CPA6: variants seen among roughly 807,000 people sequenced by gnomAD.
CPA6 encodes carboxypeptidase B.
Under a neutral mutation model 63.3 loss-of-function variants are expected in CPA6, and 58 were observed. The observed-to-expected ratio is 0.92, with a 90% CI of 0.74 to 1.14. CPA6 has a LOEUF of 1.14. Among genes scored for constraint, CPA6 ranks in the 50% most tolerant of loss-of-function variants. The pLI is 0.00. For synonymous variants in CPA6, 185 were observed against 179.0 expected (o/e 1.03, Z -0.27); for missense variants, 565 against 526.6 (o/e 1.07, Z -0.71).
chr8:67,592,520 A>G (rs1814160003), intron 2 of CPA6, among the ~76,000 whole-genome samples: 1 of 150,076 alleles, frequency 6.7e-6, no homozygotes, highest in Non-Finnish European at 1.5e-5. Flanking sequence ...CTGGTCCTGG[A>G]CTCTTTTTGG....
intron 2 of CPA6, among the ~76,000 whole-genome samples, chr8:67,530,668 T>TG (rs1812459138): frequency 5.3e-5 from 8 of 152,232 alleles, no homozygotes; most frequent in Admixed American, 5.2e-4. Flanking sequence ...GCAGTCCTGG[T>TG]TAAAAGTTGT....
intron 1 of CPA6, among the ~76,000 whole-genome samples, chr8:67,693,376 C>T (rs1036586636): frequency 2.6e-5 from 4 of 152,170 alleles, no homozygotes; most frequent in Non-Finnish European, 4.4e-5. Context: ...GGAACATACT[C>T]GGGTTGACCA....
intron 8 of CPA6, among the ~76,000 whole-genome samples, chr8:67,477,282 T>A (rs1347248495): frequency 2.2e-5 from 2 of 91,712 alleles, no homozygotes; most frequent in South Asian, 4.1e-4. Context: ...AGAGGGAGAC[T>A]CCATCTCAAA....
chr8:67,681,856 T>C (rs1175293396), intron 1 of CPA6, among the ~76,000 whole-genome samples: 4 of 152,184 alleles, frequency 2.6e-5, no homozygotes, highest in Admixed American at 1.3e-4. Flanking sequence ...TTTGTTTTTT[T>C]TCAGAGTTGT....
At chr8:67,719,660 A>G (rs1817453845) in intron 1 of CPA6, among the ~76,000 whole-genome samples, 1 of 152,134 alleles carries the variant, frequency 6.6e-6, no homozygotes, top group Admixed American at 6.5e-5. Context: ...GAGGCAAGGT[A>G]GGGGCTGTTA....
intron 6 of CPA6, among the ~76,000 whole-genome samples, chr8:67,496,377 G>C (rs114158279): frequency 0.03 from 4,519 of 151,588 alleles, 228 homozygotes; most frequent in African/African-American, 0.1. Context: ...TCTTCTGAGG[G>C]AATGCTATTT....
intron 1 of CPA6, among the ~76,000 whole-genome samples, chr8:67,703,958 G>GT (rs1817079995): frequency 1.3e-5 from 2 of 150,926 alleles, no homozygotes; most frequent in Non-Finnish European, 2.9e-5. Flanking sequence ...TTTTTGTTTT[G>GT]TTTTGAGTTA....
rs1818008076 is a variant in CPA6 at position 67,746,196 on chromosome 8, A to T, written c.-67T>A. 8.8e-7 allele frequency: 1 copy of T among 1,131,618 alleles called. No homozygotes were observed. The highest frequency in any genetic ancestry group is 2.4e-5 in the East Asian group (1 of 40,974). The allele number at this position is 1,131,618 out of a possible 1,614,324, so 70.1% of individuals were successfully genotyped here. A position where few individuals can be genotyped will look rare whatever the true frequency, so the allele number is the denominator to read the frequency against. On this transcript the variant is annotated 5_prime_UTR_variant, in exon 1 of 11. Coordinates refer to ENST00000297770, the MANE Select transcript of CPA6 (RefSeq NM_020361.5). ...CCCGAGGCTGGAGGTGGCTCACAGC[A>T]CCCTCTACACACCGCACAGGTTCTC... is the stretch of plus-strand genomic sequence containing the variant.
chr8:67,715,459 T>C (rs886935215), intron 1 of CPA6, among the ~76,000 whole-genome samples: 2 of 152,206 alleles, frequency 1.3e-5, no homozygotes, highest in South Asian at 4.1e-4. Context: ...TTTTAACAGA[T>C]CTTCCACTTC....
At chr8:67,607,146 C>CCCT (rs139523103) in intron 2 of CPA6, among the ~76,000 whole-genome samples, 16,482 of 50,278 alleles carry the variant, frequency 0.33, 4,880 homozygotes, top group African/African-American at 0.6. Flanking sequence ...CCCCTCCTCC[C>CCCT]CCCCCTCCTC....
intron 8 of CPA6, among the ~76,000 whole-genome samples, chr8:67,475,796 TCTTTCTTTCTTTCTTTCTTTC>T (rs1563967374): frequency 1.1e-4 from 6 of 52,324 alleles, no homozygotes; most frequent in South Asian, 5.4e-4. Context: ...TTTCTTTCTT[TCTTTCTTTCTTTCTTTCTTTC>T]CTTTCTTTTC....
At chr8:67,736,721 T>A (rs1328340281) in intron 1 of CPA6, among the ~76,000 whole-genome samples, 1 of 152,212 alleles carries the variant, frequency 6.6e-6, no homozygotes, top group African/African-American at 2.4e-5. Flanking sequence ...GTTTCTGGAA[T>A]CTATTTCATA....
At chr8:67,527,921 G>A (rs923227734) in intron 2 of CPA6, among the ~76,000 whole-genome samples, 1 of 152,312 alleles carries the variant, frequency 6.6e-6, no homozygotes, top group South Asian at 2.1e-4. Context: ...TGATCAAGCC[G>A]CTGAATCATC....
intron 2 of CPA6, among the ~76,000 whole-genome samples, chr8:67,571,824 G>A (rs1813493425): frequency 6.6e-6 from 1 of 151,952 alleles, no homozygotes; most frequent in Admixed American, 6.5e-5. Context: ...GCTAGCAGAA[G>A]TAAAGAGTAA....
At chr8:67,593,687 A>G (rs1289918351) in intron 2 of CPA6, among the ~76,000 whole-genome samples, 1 of 151,530 alleles carries the variant, frequency 6.6e-6, no homozygotes, top group Non-Finnish European at 1.5e-5. Flanking sequence ...AGTCTGTTTT[A>G]TCAGAGACTA....
chr8:67,502,129 C>A (rs973289320), intron 6 of CPA6, among the ~76,000 whole-genome samples: 2 of 151,998 alleles, frequency 1.3e-5, no homozygotes, highest in Admixed American at 1.3e-4. Flanking sequence ...TTCTTATTTT[C>A]TTTGTCTCTC....
At chr8:67,713,397 G>A (rs1165210321) in intron 1 of CPA6, among the ~76,000 whole-genome samples, 1 of 151,932 alleles carries the variant, frequency 6.6e-6, no homozygotes, top group Non-Finnish European at 1.5e-5. Flanking sequence ...CCTAAATAGA[G>A]AGAACCTGAT....
chr8:67,586,248 A>G (rs1813930407), intron 2 of CPA6, among the ~76,000 whole-genome samples: 2 of 152,112 alleles, frequency 1.3e-5, no homozygotes, highest in Admixed American at 6.6e-5. Flanking sequence ...ATTATTCTGT[A>G]ACTGCCTAGC....
chr8:67,455,447 T>C (rs1246958236), intron 8 of CPA6, among the ~76,000 whole-genome samples: 2 of 151,982 alleles, frequency 1.3e-5, no homozygotes, highest in Non-Finnish European at 2.9e-5. Flanking sequence ...AACTCTTACT[T>C]TACTCTAATA....
Sources: allele counts gnomAD v4.1 joint callset (sites outside exome capture counted in the v4.1 genomes callset), GRCh38; gene constraint gnomAD v4.1.1; transcripts MANE v1.5; gene names NCBI Gene and HGNC (gene_info 2026-07-23, HGNC 2026-07-21).